CDK11B: variants seen among roughly 807,000 people sequenced by gnomAD.
CDK11B encodes cyclin dependent kinase 11B.
A neutral mutation model predicts 84.0 loss-of-function variants in CDK11B; 37 were observed. That is an observed-to-expected ratio of 0.44 (90% CI 0.34 to 0.58). CDK11B has a LOEUF of 0.58. Among genes scored for constraint, CDK11B ranks in the 20% least tolerant of loss-of-function variants. The pLI, the probability that CDK11B is intolerant of heterozygous loss-of-function variation, is 0.02. For missense variants in CDK11B, 427 were observed against 834.0 expected (o/e 0.51, Z 6.01); for synonymous variants, 269 against 309.8 (o/e 0.87, Z 1.38).
Position 1,635,587 on chromosome 1 carries a change from T to C in CDK11B, c.*177A>G. On this transcript the variant is annotated 3_prime_UTR_variant, in exon 20 of 20. Transcript: ENST00000341832. ...GCAAGTCACGGAGAAAACACAGCTCTTTCCTCCACAACAAGGAAAATGATT... is the reference window on the plus strand; with the variant it reads ...GCAAGTCACGGAGAAAACACAGCTCCTTCCTCCACAACAAGGAAAATGATT... 4 of 481,774 alleles carry C rather than the reference T, an allele frequency of 8.3e-6. 1 individual carries two copies. The highest frequency in any genetic ancestry group is 1.4e-5 in the Non-Finnish European group (4 of 282,686). The allele number at this position is 481,774 out of a possible 1,614,324, so 29.8% of individuals were successfully genotyped here.
intron 18 of CDK11B, 26 bp from the exon 19 acceptor site, chr1:1,636,152 G>C: frequency 1.7e-6 from 1 of 600,744 alleles, no homozygotes. Context: ...CAGAGGCCCA[G>C]GAGGTGCTCG....
intron 4 of CDK11B, among the ~76,000 whole-genome samples, chr1:1,650,066 C>A (rs1463473414): frequency 6.6e-6 from 1 of 150,396 alleles, no homozygotes; most frequent in East Asian, 2.0e-4. Context: ...AAGGTCAGAT[C>A]GGGACCATCC....
At chr1:1,651,086 A>T (rs1641945212) in intron 4 of CDK11B, among the ~76,000 whole-genome samples, 1 of 152,206 alleles carries the variant, frequency 6.6e-6, no homozygotes, top group African/African-American at 2.4e-5. Flanking sequence ...TATAATCATG[A>T]CATTTCAATC....
intron 4 of CDK11B, 119 bp from the exon 5 acceptor site, chr1:1,649,756 C>T: frequency 2.2e-6 from 2 of 925,140 alleles, no homozygotes; most frequent in Non-Finnish European, 3.2e-6. Flanking sequence ...GGGCGGATCA[C>T]CTGAGGTCAG....
Position 1,637,827 on chromosome 1 carries a change from T to C in CDK11B, c.1399A>G (p.Ile467Val). 6.2e-7 allele frequency: 1 copy of C among 1,613,470 alleles called. No individual in the cohort carries two copies. Among genetic ancestry groups the C allele is most frequent in the Middle Eastern group, 1.7e-4 (1 of 6,056 alleles). The change falls in exon 13 of 20, where the codon ATC (isoleucine) becomes GTC (valine). Residue 467 changes from isoleucine (I) to valine (V), a missense_variant. Ile to Val is a conservative substitution (Grantham distance 29, BLOSUM62 3). Coordinates refer to ENST00000341832, the MANE Select transcript of CDK11B (RefSeq NM_033486.3). ...GTGTTGATCTCCCTCAGCGACGTGA[T>C]CGGGAAGCCCTCCTTCTCCTTCTCC... The part of the protein sequence containing the change: ...KMEKEKEGFP[I>V]TSLREINTIL...
chr1:1,652,390 A>G (rs1642132869), intron 4 of CDK11B, 49 bp downstream of exon 4: 24 of 1,446,770 alleles, frequency 1.7e-5, no homozygotes, highest in Admixed American at 2.9e-5. Context: ...AGGAACAGGA[A>G]AGAAACCACA....
At chr1:1,654,114 C>A (rs1183384528) in intron 3 of CDK11B, 1 of 461,082 alleles carries the variant, frequency 2.2e-6, no homozygotes, top group Admixed American at 2.4e-5. Flanking sequence ...AAATTCACAC[C>A]TTAAGCTTCT....
At chr1:1,652,609 G>A (rs1642152435) in intron 3 of CDK11B, 43 bp from the exon 4 acceptor site, 4 of 1,332,396 alleles carry the variant, frequency 3.0e-6, no homozygotes, top group Middle Eastern at 2.0e-4. Context: ...TTGAGAAAGT[G>A]CAAAGAAGCA....
intron 14 of CDK11B, 38 bp from the exon 15 acceptor site, chr1:1,637,240 C>A: frequency 6.2e-7 from 1 of 1,608,778 alleles, no homozygotes; most frequent in Non-Finnish European, 8.5e-7. Flanking sequence ...ACCTGGCTGC[C>A]CCCAGCCCAG....
Position 1,637,911 on chromosome 1 carries a change from G to A in CDK11B, c.1343-28C>T, listed in dbSNP as rs768225518. The A allele has an allele frequency of 3.1e-6, 5 of 1,612,862 alleles. No homozygotes were observed. The South Asian group carries it at 5.5e-5, about 18-fold the overall frequency. ...GTGAAGAAAATACAGACGGCACTGA[G>A]AGGCATTCTCAAAGTCACGGTACCA... is the stretch of plus-strand genomic sequence containing the variant. On this transcript the variant is annotated intron_variant, in intron 12 of 19. Coordinates refer to ENST00000341832, the MANE Select transcript of CDK11B (RefSeq NM_033486.3).
At position 1,636,623 on chromosome 1, in the gene CDK11B, C is replaced by T. The variant is rs1639338870; in HGVS notation, c.1917+59G>A. On this transcript the variant is annotated intron_variant, in intron 17 of 19. Transcript: ENST00000341832. ...AACCCAGCACCTGTGCGCCCCGCAG[C>T]CCCATTCCTGCAACTCCTCCACAAC... 6 of 1,609,010 alleles carry T rather than the reference C, an allele frequency of 3.7e-6. No homozygotes were observed. The South Asian group carries it at 5.5e-5, about 15-fold the overall frequency.
intron 3 of CDK11B, among the ~76,000 whole-genome samples, 169 bp from the exon 4 acceptor site, chr1:1,652,735 CTTTT>C (rs1642172538): frequency 6.6e-6 from 1 of 151,890 alleles, no homozygotes; most frequent in Non-Finnish European, 1.5e-5. Flanking sequence ...TCTTTTTTTT[CTTTT>C]TTTCTTTTTT....
chr1:1,645,092 C>A (rs1640849382), intron 6 of CDK11B, 34 bp downstream of exon 6: 1 of 907,590 alleles, frequency 1.1e-6, no homozygotes, highest in Admixed American at 2.2e-5. Context: ...AGACACGCGT[C>A]CCGCCGAGCA....
chr1:1,647,236 C>G (rs1180585361), intron 5 of CDK11B, among the ~76,000 whole-genome samples: 1 of 152,264 alleles, frequency 6.6e-6, no homozygotes, highest in African/African-American at 2.4e-5. Context: ...AATTCAACAT[C>G]TGGACACTCA....
In CDK11B at chr1:1,637,177, C is replaced by T. The variant is rs1639465614; in HGVS notation, c.1596G>A (p.Gln532=). The T allele has an allele frequency of 6.2e-7, 1 of 1,613,546 alleles. No homozygotes were observed. The highest frequency in any genetic ancestry group is 1.3e-5 in the African/African-American group (1 of 75,016). ...GCAGGTGTTTCACCCCACGCAGCAG[C>T]TGGATCATCAGGGTCTTCACCTCCC... is the stretch of plus-strand genomic sequence containing the variant. ...LPGEVKTLMI[Q]LLRGVKHLHD... The change falls in exon 15 of 20, where the codon CAG becomes CAA. Residue 532 remains glutamine, a synonymous_variant. Coordinates refer to ENST00000341832, the MANE Select transcript of CDK11B (RefSeq NM_033486.3).
At chr1:1,637,638 G>C (rs1044503836) in intron 13 of CDK11B, 124 bp downstream of exon 13, 1 of 1,608,510 alleles carries the variant, frequency 6.2e-7, no homozygotes, top group African/African-American at 1.3e-5. Flanking sequence ...GCTTGCTTCT[G>C]TGTGGTCTGT....
Position 1,636,816 on chromosome 1 carries a change from G to A in CDK11B, c.1801-18C>T, listed in dbSNP as rs765894073. On this transcript the variant is annotated intron_variant, in intron 16 of 19. Coordinates refer to ENST00000341832, the MANE Select transcript of CDK11B (RefSeq NM_033486.3). ...GAGTATTCCTAAGAGGTCAGGAGAGGTGTTCAGGAGGGCCAGTGCCCGCGA... is the reference window on the plus strand; with the variant it reads ...GAGTATTCCTAAGAGGTCAGGAGAGATGTTCAGGAGGGCCAGTGCCCGCGA... 3.7e-6 allele frequency: 6 copies of A among 1,613,792 alleles called. No homozygotes were observed. The highest frequency in any genetic ancestry group is 4.5e-5 in the East Asian group (2 of 44,864).
intron 3 of CDK11B, among the ~76,000 whole-genome samples, chr1:1,654,358 G>T (rs1026898839): frequency 6.6e-6 from 1 of 152,140 alleles, no homozygotes; most frequent in African/African-American, 2.4e-5. Flanking sequence ...CTCTGTCAGG[G>T]GTGCTTAGAA....
At chr1:1,648,893 T>TA (rs1641524247) in intron 5 of CDK11B, among the ~76,000 whole-genome samples, 2 of 152,056 alleles carry the variant, frequency 1.3e-5, no homozygotes, top group East Asian at 3.9e-4. Flanking sequence ...CTCAGCCTCC[T>TA]AAAGTGCTAG....
Sources: allele counts gnomAD v4.1 joint callset (sites outside exome capture counted in the v4.1 genomes callset), GRCh38; gene constraint gnomAD v4.1.1; transcripts MANE v1.5; gene names NCBI Gene and HGNC (gene_info 2026-07-23, HGNC 2026-07-21).